The following ZNF831 variants were observed in gnomAD, a reference collection of about 807,000 sequenced individuals.
ZNF831 encodes the protein zinc finger protein 831.
Under a neutral mutation model 95.8 loss-of-function variants are expected in ZNF831, and 59 were observed. The observed-to-expected ratio is 0.62, with a 90% CI of 0.50 to 0.77. The LOEUF is 0.77. Ranked by LOEUF, ZNF831 falls within the 30% of genes least tolerant of loss-of-function variation. The pLI is 0.00. For synonymous variants in ZNF831, 961 were observed against 925.5 expected, an observed-to-expected ratio of 1.04 and a Z score of -0.70; for missense variants, 2,205 against 2,164.0, an observed-to-expected ratio of 1.02 and a Z score of -0.38.
At chr20:59,211,145 T>C (rs535742863) in intron 4 of ZNF831, among the ~76,000 whole-genome samples, 2 of 151,984 alleles carry the variant, frequency 1.3e-5, no homozygotes, top group South Asian at 4.2e-4. Context: ...ATAGCTCAGA[T>C]TCCTGCTGGG....
At chr20:59,250,750 C>G (rs970493246) in intron 4 of ZNF831, among the ~76,000 whole-genome samples, 3 of 152,036 alleles carry the variant, frequency 2.0e-5, no homozygotes, top group Non-Finnish European at 4.4e-5. Flanking sequence ...GGAAAGAACT[C>G]TTAGAAATTA....
At chr20:59,240,781 G>A (rs545215882) in intron 4 of ZNF831, among the ~76,000 whole-genome samples, 1 of 152,116 alleles carries the variant, frequency 6.6e-6, no homozygotes, top group Non-Finnish European at 1.5e-5. Flanking sequence ...CAGCCTGGGC[G>A]ACAGAGCGAG....
intron 2 of ZNF831, among the ~76,000 whole-genome samples, chr20:59,149,629 G>T (rs899253798): frequency 2.0e-5 from 3 of 152,258 alleles, no homozygotes; most frequent in Non-Finnish European, 4.4e-5. Flanking sequence ...CCAAAAGCCT[G>T]GGCTTGGCCT....
At chr20:59,125,995 C>G in intron 1 of ZNF831, among the ~76,000 whole-genome samples, 1 of 151,376 alleles carries the variant, frequency 6.6e-6, no homozygotes, top group East Asian at 1.9e-4. Flanking sequence ...TTGAGTTCAG[C>G]AGGAGCCACA....
Position 59,192,463 on chromosome 20 carries a change from C to G in ZNF831, c.1444C>G (p.Pro482Ala), listed in dbSNP as rs776166795. The stretch of plus-strand genomic sequence containing the variant: ...CTGGACGCCCCCAGACAAGTCTCGG[C>G]CCCTCTTCTTCCACTCCGTCCCCAC... ...STWTPPDKSRPLFFHSVPTQL... is the reference protein window; with the variant it reads ...STWTPPDKSRALFFHSVPTQL... Residue 482 changes from proline (P) to alanine (A), a missense_variant, in exon 2 of 6, where the codon CCC (proline) becomes GCC (alanine). Coordinates refer to ENST00000371030, the MANE Select transcript of ZNF831 (RefSeq NM_178457.3). The surrounding 1 kb of genome is among the most constrained non-coding windows in gnomAD (Gnocchi z 5.2). 7 of 1,594,710 alleles carry G rather than the reference C, an allele frequency of 4.4e-6. No individual in the cohort carries two copies. The highest frequency in any genetic ancestry group is 6.0e-6 in the Non-Finnish European group (7 of 1,171,334).
chr20:59,223,833 C>T (rs534346287), intron 4 of ZNF831, among the ~76,000 whole-genome samples: 14 of 151,970 alleles, frequency 9.2e-5, no homozygotes, highest in South Asian at 4.2e-4. Context: ...CACACATACA[C>T]GCACGGACGT....
chr20:59,188,262 A>G (rs1339029840), intron 1 of ZNF831, among the ~76,000 whole-genome samples: 1 of 152,178 alleles, frequency 6.6e-6, no homozygotes, highest in African/African-American at 2.4e-5. Context: ...TATCCCCACC[A>G]GTCGTGTTTA....
chr20:59,148,280 G>T (rs916673575), intron 2 of ZNF831, among the ~76,000 whole-genome samples: 81 of 152,140 alleles, frequency 5.3e-4, no homozygotes, highest in African/African-American at 1.8e-3. Context: ...CTCTGTTGAG[G>T]GGGGATATCC....
chr20:59,175,423 T>A (rs79263055), intron 1 of ZNF831, among the ~76,000 whole-genome samples: 13,417 of 152,006 alleles, frequency 0.088, 803 homozygotes, highest in Non-Finnish European at 0.13. Flanking sequence ...ATTTTTTTTT[T>A]ATTTTTTTTA....
At chr20:59,181,190 G>A (rs1035399495) in intron 1 of ZNF831, among the ~76,000 whole-genome samples, 3 of 152,166 alleles carry the variant, frequency 2.0e-5, no homozygotes, top group Non-Finnish European at 4.4e-5. Flanking sequence ...AGAAGTATCT[G>A]TTCATATCCT....
chr20:59,184,968 G>A (rs964507442), intron 1 of ZNF831, among the ~76,000 whole-genome samples: 3 of 152,158 alleles, frequency 2.0e-5, no homozygotes, highest in Admixed American at 6.5e-5. Flanking sequence ...TGCACACGCG[G>A]CAGATGAGGG....
Position 59,254,838 on chromosome 20 carries a change from G to A in ZNF831, c.*95G>A. 1 of 1,476,096 alleles carries A rather than the reference G, an allele frequency of 6.8e-7. No homozygotes were observed. The highest frequency in any genetic ancestry group is 9.1e-7 in the Non-Finnish European group (1 of 1,100,720). 91.4% of individuals were successfully genotyped at this position (1,476,096 alleles called of 1,614,324 possible). A position where few individuals can be genotyped will look rare whatever the true frequency, so the allele number is the denominator to read the frequency against. On this transcript the variant is annotated 3_prime_UTR_variant, in exon 6 of 6. Coordinates refer to ENST00000371030, the MANE Select transcript of ZNF831 (RefSeq NM_178457.3). This position sits in a 1 kb window ranked among gnomAD's most constrained non-coding sequence, Gnocchi z 4.5. ...GGCGGAAGAACTAAACTCTATCTGT[G>A]AAACACCTACAGATTAGGAAAGCCA...
In ZNF831 at chr20:59,193,150, G is replaced by T. The variant is rs1450770633; in HGVS notation, c.2131G>T (p.Gly711Trp). ...ASLVTEPTKH[G>W]ETVARRGDSD... The stretch of plus-strand genomic sequence containing the variant: ...CTTGGTGACTGAACCCACTAAGCAT[G>T]GGGAGACGGTGGCCAGGAGAGGAGA... Residue 711 changes from glycine to tryptophan, a missense_variant, in exon 2 of 6, where the codon GGG becomes TGG. By Grantham distance (184) the Gly-to-Trp change is radical. Coordinates refer to ENST00000371030, the MANE Select transcript of ZNF831 (RefSeq NM_178457.3). The T allele has an allele frequency of 6.3e-7, 1 of 1,576,374 alleles. No individual in the cohort carries two copies. Among genetic ancestry groups the T allele is most frequent in the East Asian group, 2.4e-5 (1 of 42,412 alleles).
At chr20:59,182,611 A>G (rs1252249572) in intron 1 of ZNF831, among the ~76,000 whole-genome samples, 1 of 152,140 alleles carries the variant, frequency 6.6e-6, no homozygotes, top group Admixed American at 6.5e-5. Flanking sequence ...CCGATTGACC[A>G]TCTACAGGGA....
rs1489584400 is a variant in ZNF831 at position 59,193,613 on chromosome 20, T to C, written c.2594T>C (p.Val865Ala). 4.3e-6 allele frequency: 7 copies of C among 1,611,898 alleles called. No homozygotes were observed. The East Asian group carries it at 1.6e-4, about 36-fold the overall frequency. ...AAGCAGGATGCCGATCCCGGGGAGG[T>C]GCCAGGGGGCTCAAAGGAGAGTGCC... The part of the protein sequence containing the change: ...SQKQDADPGE[V>A]PGGSKESARQ... The change falls in exon 2 of 6, where the codon GTG becomes GCG. Residue 865 changes from valine (V) to alanine (A), a missense_variant. Val to Ala is a moderately conservative substitution (Grantham distance 64). Transcript: ENST00000371030.
chr20:59,135,370 G>C (rs566503867), intron 1 of ZNF831, among the ~76,000 whole-genome samples: 65 of 151,960 alleles, frequency 4.3e-4, no homozygotes, highest in African/African-American at 1.5e-3. Flanking sequence ...AGGATCACTT[G>C]AGCCCAGCAG....
intron 1 of ZNF831, among the ~76,000 whole-genome samples, chr20:59,126,188 G>A (rs757399880): frequency 6.6e-6 from 1 of 152,064 alleles, no homozygotes; most frequent in Admixed American, 6.5e-5. Context: ...CCTTCCCCAC[G>A]TGTGCCAGAG....
In ZNF831 at chr20:59,133,820, CT is replaced by C. The variant is rs1389440937; in HGVS notation, c.-1425+10316del. Among the ~76,000 whole-genome samples the C allele has an allele frequency of 5.3e-5, 8 of 152,356 alleles. No homozygotes were observed. The South Asian group carries it at 6.2e-4, about 12-fold the overall frequency. ...CTGGAGCAAGAGTGCATGCCTCCCC[CT>C]GGCTCTCTGCTCCTTTAGGCCCTAC... On this transcript the variant is annotated intron_variant, in intron 1 of 7. Coordinates refer to the ZNF831 transcript ENST00000637017.
At chr20:59,146,699 C>T (rs1197356847) in intron 2 of ZNF831, 2 of 152,286 alleles carry the variant, frequency 1.3e-5, no homozygotes, top group Non-Finnish European at 2.9e-5. Context: ...GGCCCTTCCT[C>T]TCTAGAGTGA....
Sources: gnomAD v4.1 joint callset for allele counts (sites outside exome capture counted in the v4.1 genomes callset) on GRCh38, gnomAD v4.1.1 for gene constraint, Gnocchi (gnomAD v3.1) non-coding constraint, MANE v1.5 for transcripts, NCBI Gene and HGNC (gene_info 2026-07-23, HGNC 2026-07-21) for gene names.